The following ST8SIA4 variants were observed in gnomAD, a reference collection of about 807,000 sequenced individuals.
ST8SIA4 encodes the protein ST8 alpha-N-acetyl-neuraminide alpha-2,8-sialyltransferase 4.
A neutral mutation model predicts 33.9 loss-of-function variants in ST8SIA4; 15 were observed. The ratio of observed to expected loss-of-function variants is 0.44; its 90% CI spans 0.30 to 0.68. ST8SIA4 has a LOEUF of 0.68. Ranked by LOEUF, ST8SIA4 falls within the 30% of genes least tolerant of loss-of-function variation. The pLI is 0.10. For missense variants in ST8SIA4, 321 were observed against 428.0 expected (o/e 0.75, Z 2.21); for synonymous variants, 171 against 151.2 (o/e 1.13, Z -0.96).
intron 4 of ST8SIA4, among the ~76,000 whole-genome samples, chr5:100,814,594 C>T (rs958200053): frequency 6.6e-6 from 1 of 151,742 alleles, no homozygotes; most frequent in African/African-American, 2.4e-5. Flanking sequence ...TTGAAAAATA[C>T]CTTAAATCAG....
intron 4 of ST8SIA4, 137 bp from the exon 5 acceptor site, chr5:100,812,266 T>G: frequency 1.5e-6 from 1 of 671,050 alleles, no homozygotes; most frequent in Non-Finnish European, 2.3e-6. Flanking sequence ...GAAGAAATAT[T>G]TTTAAGCATT....
intron 1 of ST8SIA4, among the ~76,000 whole-genome samples, chr5:100,901,069 G>T (rs554557591): frequency 6.6e-6 from 1 of 152,336 alleles, no homozygotes; most frequent in Non-Finnish European, 1.5e-5. Context: ...CTAGGGCTGC[G>T]CCCACCAGCC....
chr5:100,883,986 G>C (rs569975995), intron 3 of ST8SIA4, among the ~76,000 whole-genome samples: 2 of 152,184 alleles, frequency 1.3e-5, no homozygotes, highest in East Asian at 3.9e-4. Context: ...GACAATAGTG[G>C]ACAAGAAACT....
intron 3 of ST8SIA4, among the ~76,000 whole-genome samples, chr5:100,880,760 A>G (rs539668241): frequency 6.6e-6 from 1 of 152,170 alleles, no homozygotes; most frequent in Non-Finnish European, 1.5e-5. Flanking sequence ...TTTGAAGGTA[A>G]TATCTATAGA....
chr5:100,859,958 T>C (rs1213642227), intron 3 of ST8SIA4, among the ~76,000 whole-genome samples: 2 of 152,154 alleles, frequency 1.3e-5, no homozygotes, highest in Non-Finnish European at 2.9e-5. Context: ...TATTTAGTTA[T>C]TTATGTTATT....
intron 4 of ST8SIA4, among the ~76,000 whole-genome samples, chr5:100,825,053 T>A (rs924081685): frequency 1.3e-5 from 2 of 152,094 alleles, no homozygotes; most frequent in Non-Finnish European, 2.9e-5. Flanking sequence ...AGTATGAGAC[T>A]ATCTCTAAAA....
intron 3 of ST8SIA4, chr5:100,886,041 GA>G (rs1413796975): frequency 3.6e-6 from 4 of 1,097,266 alleles, no homozygotes; most frequent in Non-Finnish European, 4.5e-6. Flanking sequence ...GAGATACTAA[GA>G]AAAAAGTTTG....
intron 3 of ST8SIA4, among the ~76,000 whole-genome samples, chr5:100,881,292 T>C (rs1415975196): frequency 6.6e-6 from 1 of 152,204 alleles, no homozygotes; most frequent in Admixed American, 6.5e-5. Context: ...AAGTCTATTT[T>C]GAATTGAGAA....
chr5:100,837,166 G>A (rs565264498), intron 4 of ST8SIA4, among the ~76,000 whole-genome samples: 1 of 152,042 alleles, frequency 6.6e-6, no homozygotes, highest in East Asian at 1.9e-4. Context: ...CATTTAGCCA[G>A]TCCAAACTCA....
At chr5:100,901,379 G>A (rs1338802937) in intron 1 of ST8SIA4, among the ~76,000 whole-genome samples, 3 of 152,114 alleles carry the variant, frequency 2.0e-5, no homozygotes, top group East Asian at 3.9e-4. Context: ...AAAGAGCCTC[G>A]ACCCTCAAGC....
chr5:100,886,967 C>T (rs909626903), intron 2 of ST8SIA4, among the ~76,000 whole-genome samples: 16 of 151,886 alleles, frequency 1.1e-4, no homozygotes, highest in Non-Finnish European at 1.5e-4. Context: ...CTAGCTTCAG[C>T]GTATTTTGAT....
At chr5:100,831,891 G>A (rs1313180507) in intron 4 of ST8SIA4, among the ~76,000 whole-genome samples, 1 of 152,060 alleles carries the variant, frequency 6.6e-6, no homozygotes, top group Non-Finnish European at 1.5e-5. Context: ...GGTGACACAG[G>A]AATTGAGAAA....
intron 4 of ST8SIA4, among the ~76,000 whole-genome samples, chr5:100,816,957 C>G (rs1750934439): frequency 6.9e-6 from 1 of 145,848 alleles, no homozygotes; most frequent in African/African-American, 2.6e-5. Context: ...TTTTTTGAGA[C>G]AGAGTCTCAC....
chr5:100,878,387 G>C (rs571711145), intron 3 of ST8SIA4, among the ~76,000 whole-genome samples: 109 of 152,132 alleles, frequency 7.2e-4, no homozygotes, highest in African/African-American at 2.6e-3. Flanking sequence ...ATGTTGGTCA[G>C]GCTGGTCTCG....
At chr5:100,829,342 T>C (rs745398401) in intron 4 of ST8SIA4, among the ~76,000 whole-genome samples, 2 of 152,202 alleles carry the variant, frequency 1.3e-5, no homozygotes, top group Non-Finnish European at 2.9e-5. Flanking sequence ...ACTCAAACCT[T>C]TTTCAAATAC....
intron 4 of ST8SIA4, among the ~76,000 whole-genome samples, chr5:100,842,533 A>G (rs1751490691): frequency 6.6e-6 from 1 of 151,846 alleles, no homozygotes; most frequent in African/African-American, 2.4e-5. Flanking sequence ...CACTATCCCC[A>G]GTTTTTATTA....
intron 4 of ST8SIA4, chr5:100,849,525 T>TA: frequency 1.1e-6 from 1 of 904,016 alleles, no homozygotes; most frequent in Non-Finnish European, 1.3e-6. Flanking sequence ...CTCACGCCTG[T>TA]AATCCCCGCA....
In ST8SIA4 at chr5:100,812,027, G is replaced by A; in HGVS notation, c.900C>T (p.Phe300=). 1 of 1,614,108 alleles carries A rather than the reference G, an allele frequency of 6.2e-7. No individual in the cohort carries two copies. Among genetic ancestry groups the A allele is most frequent in the East Asian group, 2.2e-5 (1 of 44,854 alleles). ...RFCDEIHLYG[F]WPFPKDLNGK... is the part of the protein sequence containing the mutation. ...CATTTAAATCCTTAGGGAAGGGCCA[G>A]AATCCATACAGGTGAATTTCATCAC... Residue 300 remains phenylalanine (F), a synonymous_variant, in exon 5 of 5, where the codon TTC becomes TTT. Coordinates refer to ENST00000231461, the MANE Select transcript of ST8SIA4 (RefSeq NM_005668.6).
At chr5:100,866,578 T>TCACACACACACA (rs141002831) in intron 3 of ST8SIA4, among the ~76,000 whole-genome samples, 1 of 146,406 alleles carries the variant, frequency 6.8e-6, no homozygotes, top group African/African-American at 2.5e-5. Context: ...CTTCTAAATT[T>TCACACACACACA]CACACACACA....
Sources: gnomAD v4.1 joint callset for allele counts (sites outside exome capture counted in the v4.1 genomes callset) on GRCh38, gnomAD v4.1.1 for gene constraint, MANE v1.5 for transcripts, NCBI Gene and HGNC (gene_info 2026-07-23, HGNC 2026-07-21) for gene names.